Variants in KDM5B observed in about 807,000 individuals in gnomAD.
The protein encoded by KDM5B is lysine-specific demethylase 5B.
Under a neutral mutation model 193.4 loss-of-function variants are expected in KDM5B, and 144 were observed. The observed-to-expected ratio is 0.74, with a 90% CI of 0.65 to 0.86. The LOEUF (loss-of-function observed/expected upper bound fraction) is 0.86, where lower values mean the gene tolerates loss of function less well. Among genes scored for constraint, KDM5B ranks in the 40% least tolerant of loss-of-function variants. The pLI, the probability that KDM5B is intolerant of heterozygous loss-of-function variation, is 0.00. For synonymous variants in KDM5B, 668 were observed against 682.6 expected, an observed-to-expected ratio of 0.98 and a Z score of 0.33; for missense variants, 1,833 against 1,886.9, an observed-to-expected ratio of 0.97 and a Z score of 0.53.
At chr1:202,758,348 A>G (rs778510855) in intron 9 of KDM5B, 43 bp downstream of exon 9, 1 of 1,513,064 alleles carries the variant, frequency 6.6e-7, no homozygotes, top group South Asian at 1.3e-5. Flanking sequence ...TTTTCTCCAA[A>G]AGCTATTAAA....
chr1:202,753,673 T>G (rs951140277), intron 11 of KDM5B, among the ~76,000 whole-genome samples: 15 of 115,686 alleles, frequency 1.3e-4, no homozygotes, highest in Non-Finnish European at 2.7e-4. Flanking sequence ...TGTTTTTTTT[T>G]TGTTTTTTTT....
rs1224960713 is a variant in KDM5B, at chr1:202,740,706, T to C, written c.3052A>G (p.Arg1018Gly). 1 of 1,612,698 alleles carries C rather than the reference T, an allele frequency of 6.2e-7. No homozygotes were observed. Among genetic ancestry groups the C allele is most frequent in the Non-Finnish European group, 8.5e-7 (1 of 1,179,882 alleles). The change falls in exon 20 of 27, where the codon AGA becomes GGA. Residue 1018 changes from arginine to glycine, a missense_variant. Arg to Gly is a moderately radical substitution (Grantham distance 125, BLOSUM62 -2). Coordinates refer to ENST00000367265, the MANE Select transcript of KDM5B (RefSeq NM_006618.5). ...CCCTCTACATCCTGAAGCCAGTCTC[T>C]GGCTCTCTGCACTGAGTCTTTCAGA... ...AALKDSVQRARDWLQDVEGLQ... is the reference protein window; with the variant it reads ...AALKDSVQRAGDWLQDVEGLQ...
At position 202,744,211 on chromosome 1, in the gene KDM5B, C is replaced by A. The variant is rs139191304; in HGVS notation, c.2324-1406G>T. Among the ~76,000 whole-genome samples, 53 of 152,220 alleles carry A rather than the reference C, an allele frequency of 3.5e-4. 1 individual carries two copies. The East Asian group carries it at 9.8e-3, about 28-fold the overall frequency. ...CAAAAGAAGACATACGTATGGCCAA[C>A]AATCATATGAAAAAAAGCTCAACAT... On this transcript the variant is annotated intron_variant, in intron 16 of 26. Transcript: ENST00000367265.
At chr1:202,774,970 G>A (rs757822158) in intron 2 of KDM5B, among the ~76,000 whole-genome samples, 10 of 152,082 alleles carry the variant, frequency 6.6e-5, no homozygotes, top group East Asian at 1.9e-4. Flanking sequence ...GGCCGGGCAC[G>A]GTGGCTCACG....
chr1:202,741,640 T>C lies in KDM5B; in HGVS notation c.2672A>G (p.Gln891Arg). Residue 891 changes from glutamine to arginine, a missense_variant, in exon 19 of 27, where the codon CAG becomes CGG. Transcript: ENST00000367265. ...SEETPSAAEL[Q>R]DLLDVSFEFD... ...TTCAAAGCTGACATCTAGCAAGTCC[T>C]GCAGCTCCGCAGCACTAGGCGTTTC... 1.2e-6 allele frequency: 2 copies of C among 1,614,174 alleles called. No individual in the cohort carries two copies. The highest frequency in any genetic ancestry group is 1.7e-5 in the Admixed American group (1 of 60,030).
chr1:202,729,071 G>T lies in KDM5B; in HGVS notation c.4600C>A (p.Arg1534Ser), dbSNP rs377525543. ...CTTGGTGCGTCCTTCACAGTACAGC[G>T]CACACAGATGTAGTCTTCTTTCTCT... is the stretch of plus-strand genomic sequence containing the variant. ...MAEKEDYICV[R>S]CTVKDAPSRK Residue 1534 changes from arginine to serine, a missense_variant, in exon 27 of 27, where the codon CGC (arginine) becomes AGC (serine). Coordinates refer to ENST00000367265, the MANE Select transcript of KDM5B (RefSeq NM_006618.5). 1 of 1,613,970 alleles carries T rather than the reference G, an allele frequency of 6.2e-7. No individual in the cohort carries two copies. The highest frequency in any genetic ancestry group is 8.5e-7 in the Non-Finnish European group (1 of 1,179,958).
At chr1:202,740,594 C>T (rs547014465) in intron 20 of KDM5B, 80 bp downstream of exon 20, 361 of 1,368,714 alleles carry the variant, frequency 2.6e-4, no homozygotes, top group Non-Finnish European at 3.2e-4. Flanking sequence ...CTGACCCCCC[C>T]ACCTCCCTCC....
At chr1:202,766,825 A>G in intron 5 of KDM5B, 101 bp downstream of exon 5, 1 of 1,338,514 alleles carries the variant, frequency 7.5e-7, no homozygotes. Context: ...AACAAGGTTC[A>G]AAACTACAAA....
chr1:202,763,488 T>C (rs1430379781), intron 6 of KDM5B, among the ~76,000 whole-genome samples: 1 of 152,190 alleles, frequency 6.6e-6, no homozygotes, highest in Admixed American at 6.5e-5. Context: ...TGCATTGTGC[T>C]GCCTTTCCAC....
At chr1:202,729,210 G>GA in intron 26 of KDM5B, 37 bp from the exon 27 acceptor site, 1 of 1,611,112 alleles carries the variant, frequency 6.2e-7, no homozygotes. Flanking sequence ...GTTTTCAGAG[G>GA]AAAAAATGGA....
Position 202,727,400 on chromosome 1 carries a change from G to T in KDM5B, c.*1636C>A, listed in dbSNP as rs1654712624. ...AACTGCAGAAAACTGCAGACAACTA[G>T]AAGTCATTCTTAAAGAGATTTAATT... is the stretch of plus-strand genomic sequence containing the variant. On this transcript the variant is annotated 3_prime_UTR_variant, in exon 27 of 27. Transcript: ENST00000367265. 6.6e-6 allele frequency: 1 copy of T among 152,612 alleles called. No homozygotes were observed. The highest frequency in any genetic ancestry group is 6.5e-5 in the Admixed American group (1 of 15,274). 9.5% of individuals were successfully genotyped at this position (152,612 alleles called of 1,614,324 possible). A position where few individuals can be genotyped will look rare whatever the true frequency, so the allele number is the denominator to read the frequency against.
Position 202,767,050 on chromosome 1 carries a change from T to C in KDM5B, c.587A>G (p.Lys196Arg). 6.2e-7 allele frequency: 1 copy of C among 1,609,674 alleles called. No individual in the cohort carries two copies. The highest frequency in any genetic ancestry group is 8.5e-7 in the Non-Finnish European group (1 of 1,179,038). The change falls in exon 5 of 27, where the codon AAG (lysine) becomes AGG (arginine). Residue 196 changes from lysine (K) to arginine (R), a missense_variant. By Grantham distance (26) the Lys-to-Arg change is conservative (BLOSUM62 2). Coordinates refer to ENST00000367265, the MANE Select transcript of KDM5B (RefSeq NM_006618.5). ...LSGDSLRCLQKPNLTTDTKDK... is the reference protein window; with the variant it reads ...LSGDSLRCLQRPNLTTDTKDK... ...CTTAGTGTCTGTGGTCAGGTTTGGC[T>C]TCTGCAAACACTAGAAATAACAACT...
intron 1 of KDM5B, among the ~76,000 whole-genome samples, chr1:202,788,544 A>C (rs1318109664): frequency 6.6e-6 from 1 of 150,632 alleles, no homozygotes; most frequent in Middle Eastern, 3.2e-3. Context: ...ACTTGGCAAT[A>C]ATAATGATCT....
chr1:202,729,435 C>G (rs1654792632), intron 26 of KDM5B: 1 of 592,686 alleles, frequency 1.7e-6, no homozygotes, highest in Non-Finnish European at 3.0e-6. Flanking sequence ...GGCATCACAT[C>G]AGCATCCCTC....
intron 4 of KDM5B, among the ~76,000 whole-genome samples, chr1:202,771,726 C>T (rs976152194): frequency 1.3e-5 from 2 of 152,040 alleles, no homozygotes; most frequent in East Asian, 3.9e-4. Flanking sequence ...GGACTACAGG[C>T]ACGCACCACC....
At chr1:202,767,873 C>T (rs1656540251) in intron 4 of KDM5B, among the ~76,000 whole-genome samples, 1 of 151,928 alleles carries the variant, frequency 6.6e-6, no homozygotes, top group African/African-American at 2.4e-5. Context: ...CTTATAAGCT[C>T]CCAAAACAAT....
chr1:202,746,361 T>C, intron 14 of KDM5B, 38 bp from the exon 15 acceptor site: 1 of 1,395,376 alleles, frequency 7.2e-7, no homozygotes. Context: ...CTCCAAAGGA[T>C]AATATAATCC....
At position 202,729,928 on chromosome 1, in the gene KDM5B, G is replaced by A. The variant is rs764916645; in HGVS notation, c.4276C>T (p.Arg1426Ter). The stretch of plus-strand genomic sequence containing the variant: ...TTGGGGGTCCGCATTTTCTTAACTC[G>A]TTCCCACCGCTCACTGGAGAGGCCC... ...REGLSSERWE[R>*]VKKMRTPKKK... is the part of the protein sequence containing the mutation. Residue 1426 changes from arginine to a stop codon, truncating the protein, a stop_gained, in exon 26 of 27, where the codon CGA becomes TGA. Coordinates refer to ENST00000367265, the MANE Select transcript of KDM5B (RefSeq NM_006618.5). LOFTEE classifies it high-confidence loss of function. 7 of 1,613,878 alleles carry A rather than the reference G, an allele frequency of 4.3e-6. No homozygotes were observed. The highest frequency in any genetic ancestry group is 4.5e-5 in the East Asian group (2 of 44,886).
At position 202,740,741 on chromosome 1, in the gene KDM5B, T is replaced by C. The variant is rs761984084; in HGVS notation, c.3017A>G (p.Asn1006Ser). ...EIEEIPAYLP[N>S]GAALKDSVQR... ...CACTGAGTCTTTCAGAGCCGCACCA[T>C]TGGGCAGATATGCAGGGATCTCTTC... is the stretch of plus-strand genomic sequence containing the variant. Residue 1006 changes from asparagine to serine, a missense_variant, in exon 20 of 27, where the codon AAT becomes AGT. Around this residue, in one of 3 missense-constraint regions of KDM5B, gnomAD observed 1,379 missense variants for 1,349.6 expected, o/e 1.02. Coordinates refer to ENST00000367265, the MANE Select transcript of KDM5B (RefSeq NM_006618.5). 16 of 1,612,894 alleles carry C rather than the reference T, an allele frequency of 9.9e-6. No individual in the cohort carries two copies. Among genetic ancestry groups the C allele is most frequent in the African/African-American group, 4.0e-5 (3 of 74,894 alleles).
Sources: allele counts gnomAD v4.1 joint callset (sites outside exome capture counted in the v4.1 genomes callset), GRCh38; gene constraint gnomAD v4.1.1; regional missense constraint gnomAD v4.1.1; transcripts MANE v1.5; gene names NCBI Gene and HGNC (gene_info 2026-07-23, HGNC 2026-07-21).